PAX3: variants seen among roughly 807,000 people sequenced by gnomAD.
The protein encoded by PAX3 is paired box protein Pax-3.
A neutral mutation model predicts 51.6 loss-of-function variants in PAX3; 14 were observed. The ratio of observed to expected loss-of-function variants is 0.27; its 90% CI spans 0.18 to 0.42. PAX3 has a LOEUF of 0.42. Among genes scored for constraint, PAX3 ranks in the 10% least tolerant of loss-of-function variants. PAX3 has a pLI of 1.00. For synonymous variants in PAX3, 280 were observed against 253.4 expected (o/e 1.11, Z -1.00); for missense variants, 540 against 642.8 (o/e 0.84, Z 1.73).
intron 5 of PAX3, 129 bp from the exon 6 acceptor site, chr2:222,221,516 C>G: frequency 1.1e-6 from 1 of 885,574 alleles, no homozygotes; most frequent in Non-Finnish European, 1.8e-6. Context: ...AGTTCTCTGC[C>G]TTCTGTGTTG....
chr2:222,217,162 G>C (rs1691994915), intron 7 of PAX3, among the ~76,000 whole-genome samples: 1 of 152,036 alleles, frequency 6.6e-6, no homozygotes, highest in East Asian at 1.9e-4. Flanking sequence ...GTTGCCTTGG[G>C]GGTTGTTTTT....
At chr2:222,273,630 C>A (rs2106162831) in intron 4 of PAX3, among the ~76,000 whole-genome samples, 1 of 152,292 alleles carries the variant, frequency 6.6e-6, no homozygotes, top group Non-Finnish European at 1.5e-5. Context: ...AAAATCAGCT[C>A]CTGATCCATC....
intron 4 of PAX3, chr2:222,293,509 G>T: frequency 1.1e-6 from 1 of 892,112 alleles, no homozygotes; most frequent in Non-Finnish European, 1.7e-6. Flanking sequence ...GACAGAGGGT[G>T]CCAGCACTCT....
At chr2:222,275,549 G>A (rs1045743900) in intron 4 of PAX3, among the ~76,000 whole-genome samples, 1 of 152,060 alleles carries the variant, frequency 6.6e-6, no homozygotes, top group Non-Finnish European at 1.5e-5. Flanking sequence ...TCTACCTTCA[G>A]AATATATAGC....
At chr2:222,260,623 T>C in intron 4 of PAX3, among the ~76,000 whole-genome samples, 1 of 123,782 alleles carries the variant, frequency 8.1e-6, no homozygotes, top group African/African-American at 3.0e-5. Context: ...GCAAAGTCTC[T>C]CTCTGTTGCC....
At chr2:222,212,238 A>AT (rs1247312844) in intron 7 of PAX3, among the ~76,000 whole-genome samples, 2 of 152,126 alleles carry the variant, frequency 1.3e-5, no homozygotes, top group African/African-American at 2.4e-5. Context: ...GTTTAACTAG[A>AT]TTTTTTTAAC....
At chr2:222,232,319 G>A (rs935625959) in intron 4 of PAX3, 36 bp from the exon 5 acceptor site, 3 of 1,579,084 alleles carry the variant, frequency 1.9e-6, no homozygotes, top group African/African-American at 1.4e-5. Context: ...CATAAAATGT[G>A]AATCAAAAAA....
At position 222,290,881 on chromosome 2, in the gene PAX3, G is replaced by A. The variant is rs558016033; in HGVS notation, c.586+3286C>T. 1.2e-3 allele frequency among the ~76,000 whole-genome samples: 177 copies of A among 151,924 alleles called. 1 individual carries two copies. Among genetic ancestry groups the A allele is most frequent in the African/African-American group, 3.6e-3 (151 of 41,440 alleles). On this transcript the variant is annotated intron_variant, in intron 4 of 8. Transcript: ENST00000392070. ...TTCTTTAAAATAAGAAAAAAATGGG[G>A]GGAGGTTGCAGAAATTTCACTAATG...
chr2:222,237,664 A>G (rs1280221066), intron 4 of PAX3, among the ~76,000 whole-genome samples: 1 of 152,238 alleles, frequency 6.6e-6, no homozygotes, highest in Non-Finnish European at 1.5e-5. Flanking sequence ...GATTTAAGAA[A>G]TCAAAGTAGT....
At chr2:222,226,347 C>G (rs1692384933) in intron 5 of PAX3, among the ~76,000 whole-genome samples, 1 of 152,136 alleles carries the variant, frequency 6.6e-6, no homozygotes, top group Non-Finnish European at 1.5e-5. Context: ...TCCCAGCCTT[C>G]CAATCACTGC....
At chr2:222,234,466 A>G (rs1002966558) in intron 4 of PAX3, among the ~76,000 whole-genome samples, 2 of 152,196 alleles carry the variant, frequency 1.3e-5, no homozygotes, top group Non-Finnish European at 2.9e-5. Context: ...TACATGTATG[A>G]TTGATAAATG....
intron 7 of PAX3, among the ~76,000 whole-genome samples, chr2:222,218,297 T>G (rs987978771): frequency 3.9e-5 from 6 of 152,202 alleles, no homozygotes; most frequent in Non-Finnish European, 1.5e-5. Context: ...ATTCTAGCAA[T>G]TCTACTTATG....
rs952486880 is a variant in PAX3 at position 222,266,022 on chromosome 2, C to T, written c.586+28145G>A. On this transcript the variant is annotated intron_variant, in intron 4 of 8. Transcript: ENST00000392070. ...GTTGGTTGATCCAGGTTTTGCGGAG[C>T]TTGAAGCTTGTAAAATTTGGGAGAC... Among the ~76,000 whole-genome samples, 3 of 152,244 alleles carry T rather than the reference C, an allele frequency of 2.0e-5. No homozygotes were observed. In the South Asian group the frequency reaches 6.2e-4, roughly 32 times the overall value.
rs765776660 is a variant in PAX3 at position 222,237,342 on chromosome 2, A to ACACACACC, written c.587-5060_587-5059insGGTGTGTG. 1.5e-3 allele frequency among the ~76,000 whole-genome samples: 232 copies of ACACACACC among 152,016 alleles called. 1 individual carries two copies. Among genetic ancestry groups the ACACACACC allele is most frequent in the Admixed American group, 3.1e-3 (47 of 15,244 alleles). ...TTATCACATGCACACACACACACACACACACACACACACACACAGTTCTTT... is the reference window on the plus strand; with the variant it reads ...TTATCACATGCACACACACACACACACACACACCCACACACACACACACACAGTTCTTT... On this transcript the variant is annotated intron_variant, in intron 4 of 8. Coordinates refer to ENST00000392070, the MANE Select transcript of PAX3 (RefSeq NM_181458.4).
In PAX3 at chr2:222,246,194, C is replaced by A. The variant is rs995932674; in HGVS notation, c.587-13911G>T. Reference sequence around the variant, plus strand: ...TCTGACAATGTGTCCTAATCCCTGGCAACTTTAAATAAATTAAAGCTTTTC... The same window carrying A: ...TCTGACAATGTGTCCTAATCCCTGGAAACTTTAAATAAATTAAAGCTTTTC... On this transcript the variant is annotated intron_variant, in intron 4 of 8. Coordinates refer to ENST00000392070, the MANE Select transcript of PAX3 (RefSeq NM_181458.4). Among the ~76,000 whole-genome samples, 6 of 152,248 alleles carry A rather than the reference C, an allele frequency of 3.9e-5. No homozygotes were observed. The East Asian group carries it at 7.7e-4, about 20-fold the overall frequency.
intron 4 of PAX3, among the ~76,000 whole-genome samples, chr2:222,252,645 A>G (rs1375578076): frequency 2.6e-5 from 4 of 152,108 alleles, no homozygotes; most frequent in African/African-American, 9.7e-5. Context: ...GGATGGAGGG[A>G]TGCCTTGCCC....
intron 4 of PAX3, 144 bp downstream of exon 4, chr2:222,294,023 A>G: frequency 6.4e-7 from 1 of 1,551,978 alleles, no homozygotes; most frequent in African/African-American, 1.4e-5. Flanking sequence ...TTTCAGTTCC[A>G]TGTCGTTACT....
At chr2:222,208,789 C>T (rs1478406523) in intron 7 of PAX3, among the ~76,000 whole-genome samples, 1 of 151,980 alleles carries the variant, frequency 6.6e-6, no homozygotes, top group African/African-American at 2.4e-5. Context: ...ATTACTTGAC[C>T]CTTTGAGACT....
chr2:222,281,936 A>C (rs745485063), intron 4 of PAX3, among the ~76,000 whole-genome samples: 4 of 152,180 alleles, frequency 2.6e-5, no homozygotes, highest in Admixed American at 6.5e-5. Context: ...GCACAAACGA[A>C]AGTTCTAGAA....
Sources: allele counts gnomAD v4.1 joint callset (sites outside exome capture counted in the v4.1 genomes callset), GRCh38; gene constraint gnomAD v4.1.1; transcripts MANE v1.5; gene names NCBI Gene and HGNC (gene_info 2026-07-23, HGNC 2026-07-21).